The following SYN3 variants were observed in gnomAD, a reference collection of about 807,000 sequenced individuals.
SYN3 encodes the protein synapsin-3.
Under a neutral mutation model 65.8 loss-of-function variants are expected in SYN3, and 35 were observed. The observed-to-expected ratio is 0.53, with a 90% confidence interval of 0.41 to 0.70. The LOEUF (loss-of-function observed/expected upper bound fraction) is 0.70. Ranked by LOEUF, SYN3 falls within the 30% of genes least tolerant of loss-of-function variation. The pLI is 0.00. For synonymous variants in SYN3, 270 were observed against 292.9 expected (o/e 0.92, Z 0.80); for missense variants, 680 against 749.0 (o/e 0.91, Z 1.08).
intron 1 of SYN3, among the ~76,000 whole-genome samples, chr22:33,033,198 AC>A (rs1355067729): frequency 6.6e-6 from 1 of 151,884 alleles, no homozygotes; most frequent in Non-Finnish European, 1.5e-5. Context: ...GCCGGCTTTC[AC>A]CATGTTGGCC....
At chr22:32,804,539 G>A (rs1465809587) in intron 6 of SYN3, among the ~76,000 whole-genome samples, 1 of 152,158 alleles carries the variant, frequency 6.6e-6, no homozygotes, top group Admixed American at 6.5e-5. Flanking sequence ...TCTCTTCATG[G>A]CTTGGTGCCA....
intron 6 of SYN3, among the ~76,000 whole-genome samples, chr22:32,621,736 CATT>C (rs1221979171): frequency 6.6e-6 from 1 of 152,192 alleles, no homozygotes; most frequent in Non-Finnish European, 1.5e-5. Context: ...GGGAGAAAGA[CATT>C]ATGGAATCTC....
intron 10 of SYN3, among the ~76,000 whole-genome samples, chr22:32,533,336 G>A (rs373875339): frequency 1.3e-5 from 2 of 152,080 alleles, no homozygotes; most frequent in African/African-American, 4.8e-5. Context: ...TTATGTCCAC[G>A]GCTGTATCCC....
chr22:32,662,588 T>G (rs1383920659), intron 6 of SYN3, among the ~76,000 whole-genome samples: 1 of 152,200 alleles, frequency 6.6e-6, no homozygotes, highest in Admixed American at 6.5e-5. Context: ...TTACTGACCT[T>G]TCCAAGTTCC....
chr22:32,563,850 G>A (rs2058621061), intron 7 of SYN3, among the ~76,000 whole-genome samples: 1 of 152,126 alleles, frequency 6.6e-6, no homozygotes, highest in South Asian at 2.1e-4. Flanking sequence ...TGTATTTTTA[G>A]TAGAGACAGG....
intron 6 of SYN3, among the ~76,000 whole-genome samples, chr22:32,780,394 C>T (rs1422855744): frequency 2.0e-5 from 3 of 152,128 alleles, no homozygotes; most frequent in African/African-American, 4.8e-5. Flanking sequence ...CCTGAGTTGA[C>T]TCTAAAACCA....
At chr22:32,720,123 T>C (rs743741) in intron 6 of SYN3, among the ~76,000 whole-genome samples, 32,045 of 152,162 alleles carry the variant, frequency 0.21, 4,301 homozygotes, top group East Asian at 0.6. Flanking sequence ...AGGGCAATGG[T>C]AGTACCGGCC....
At position 32,975,175 on chromosome 22, in the gene SYN3, G is replaced by A. The variant is rs147661934; in HGVS notation, c.369+5470C>T. Among the ~76,000 whole-genome samples the A allele has an allele frequency of 8.4e-3, 1,275 of 152,210 alleles. 21 individuals are homozygous for A. The highest frequency in any genetic ancestry group is 0.029 in the African/African-American group (1,213 of 41,516). ...GTGGATCATGAGGTCAGGAGATTGAGACCATCCTGGCCAACATGGTGAAAC... is the reference window on the plus strand; with the variant it reads ...GTGGATCATGAGGTCAGGAGATTGAAACCATCCTGGCCAACATGGTGAAAC... On this transcript the variant is annotated intron_variant, in intron 3 of 13. Transcript: ENST00000358763.
Position 32,889,836 on chromosome 22 carries a change from T to C in SYN3, c.462-20711A>G, listed in dbSNP as rs191583936. ...ATATCTTTTTGGATTTTCCTAACTT[T>C]TTATCAAAAGTCATTAGTAGGGAAT... On this transcript the variant is annotated intron_variant, in intron 4 of 13. Coordinates refer to ENST00000358763, the MANE Select transcript of SYN3 (RefSeq NM_003490.4). Among the ~76,000 whole-genome samples the C allele has an allele frequency of 7.5e-4, 114 of 152,142 alleles. 1 individual carries two copies. The East Asian group carries it at 0.012, about 16-fold the overall frequency.
chr22:32,898,161 A>G (rs913909745), intron 4 of SYN3, among the ~76,000 whole-genome samples: 1 of 152,012 alleles, frequency 6.6e-6, no homozygotes, highest in Non-Finnish European at 1.5e-5. Flanking sequence ...ACATCCGGCT[A>G]ATTTTTGTAT....
chr22:32,858,885 T>A (rs754432747), intron 6 of SYN3, among the ~76,000 whole-genome samples: 4 of 152,208 alleles, frequency 2.6e-5, no homozygotes, highest in Admixed American at 6.5e-5. Flanking sequence ...AAAAGTCCTC[T>A]CAGTAGTCTA....
At chr22:32,824,227 G>A (rs535229729) in intron 6 of SYN3, among the ~76,000 whole-genome samples, 5 of 145,744 alleles carry the variant, frequency 3.4e-5, no homozygotes, top group African/African-American at 1.3e-4. Context: ...GCAGTGAGAC[G>A]ACACCTCGCC....
intron 6 of SYN3, among the ~76,000 whole-genome samples, chr22:32,766,177 T>G (rs1569207904): frequency 2.0e-5 from 3 of 152,156 alleles, no homozygotes; most frequent in African/African-American, 7.2e-5. Context: ...TATAGAGCCT[T>G]TGGAAAAGGC....
chr22:32,996,691 G>C (rs968303349), intron 2 of SYN3, among the ~76,000 whole-genome samples: 1 of 152,200 alleles, frequency 6.6e-6, no homozygotes, highest in Non-Finnish European at 1.5e-5. Flanking sequence ...AGATCCCTTG[G>C]TGCTTTAAAA....
intron 6 of SYN3, among the ~76,000 whole-genome samples, chr22:32,621,544 T>G (rs2058728535): frequency 6.6e-6 from 1 of 152,158 alleles, no homozygotes; most frequent in African/African-American, 2.4e-5. Flanking sequence ...GGTGCTGGTC[T>G]GCACAGGAGC....
intron 6 of SYN3, among the ~76,000 whole-genome samples, chr22:32,857,076 T>C (rs1034717478): frequency 6.6e-6 from 1 of 152,206 alleles, no homozygotes; most frequent in Admixed American, 6.5e-5. Flanking sequence ...GGCACTTAGG[T>C]TGATTTCATA....
chr22:32,715,519 G>A (rs112766141), intron 6 of SYN3, among the ~76,000 whole-genome samples: 42 of 152,206 alleles, frequency 2.8e-4, no homozygotes, highest in African/African-American at 9.4e-4. Context: ...GGTGGCTCAC[G>A]CCTGTAATCC....
intron 6 of SYN3, among the ~76,000 whole-genome samples, chr22:32,661,690 C>T (rs1004468402): frequency 1.1e-4 from 16 of 152,108 alleles, no homozygotes; most frequent in African/African-American, 3.6e-4. Flanking sequence ...AAGCAGGGTC[C>T]TTCTCTTTCC....
intron 6 of SYN3, among the ~76,000 whole-genome samples, chr22:32,770,896 AT>A (rs544884415): frequency 0.017 from 1,242 of 74,160 alleles, 8 homozygotes; most frequent in Non-Finnish European, 0.019. Context: ...TATTATTATT[AT>A]TTATTTATTT....
Sources: gnomAD v4.1 joint callset for allele counts (sites outside exome capture counted in the v4.1 genomes callset) on GRCh38, gnomAD v4.1.1 for gene constraint, MANE v1.5 for transcripts, NCBI Gene and HGNC (gene_info 2026-07-23, HGNC 2026-07-21) for gene names.